Variants in ZNF808 observed in about 807,000 individuals in gnomAD.
ZNF808 encodes zinc finger protein 808.
Under a neutral mutation model 8.7 loss-of-function variants are expected in ZNF808, and 5 were observed. The ratio of observed to expected loss-of-function variants is 0.58; its 90% CI spans 0.30 to 1.21. The LOEUF (loss-of-function observed/expected upper bound fraction) is 1.21, where lower values mean the gene tolerates loss of function less well. Among genes scored for constraint, ZNF808 ranks in the 50% most tolerant of loss-of-function variants. The probability of loss-of-function intolerance (pLI) is 0.07; values close to 1 mark genes in which losing one functional copy is unlikely to be tolerated. For synonymous variants in ZNF808, 380 were observed against 366.0 expected (o/e 1.04, Z -0.44); for missense variants, 1,103 against 1,098.4 (o/e 1.00, Z -0.06).
intron 3 of ZNF808, among the ~76,000 whole-genome samples, chr19:52,562,964 TG>T (rs1875331173): frequency 6.6e-6 from 1 of 152,016 alleles, no homozygotes; most frequent in African/African-American, 2.4e-5. Flanking sequence ...TTAGTAGAGA[TG>T]GGGTTTCACC....
At chr19:52,545,392 A>C (rs1451708256) in intron 3 of ZNF808, among the ~76,000 whole-genome samples, 1 of 152,216 alleles carries the variant, frequency 6.6e-6, no homozygotes, top group African/African-American at 2.4e-5. Flanking sequence ...GTTTATGTAG[A>C]AAACACAACA....
rs2059829695 is a variant in ZNF808, at chr19:52,555,631, T to G, written c.*3T>G. ...ATGGTATAGGGAAATTTGATTAATA[T>G]AATGATTGTCACAAAGTCTTCAGTA... On this transcript the variant is annotated 3_prime_UTR_variant, in exon 5 of 5. Coordinates refer to ENST00000359798, the MANE Select transcript of ZNF808 (RefSeq NM_001039886.4). 5 of 1,590,550 alleles carry G rather than the reference T, an allele frequency of 3.1e-6. No individual in the cohort carries two copies. Among genetic ancestry groups the G allele is most frequent in the Non-Finnish European group, 4.3e-6 (5 of 1,169,778 alleles).
chr19:52,530,709 C>T (rs1267682087), intron 1 of ZNF808, among the ~76,000 whole-genome samples: 1 of 151,680 alleles, frequency 6.6e-6, no homozygotes, highest in Non-Finnish European at 1.5e-5. Flanking sequence ...CAAAGTTGGG[C>T]CTGGTGGCTC....
At chr19:52,531,616 C>T (rs1313002769) in intron 1 of ZNF808, among the ~76,000 whole-genome samples, 1 of 152,152 alleles carries the variant, frequency 6.6e-6, no homozygotes, top group Non-Finnish European at 1.5e-5. Context: ...CTCTGAACAT[C>T]GCTTTTGGCC....
intron 2 of ZNF808, among the ~76,000 whole-genome samples, chr19:52,539,323 G>C (rs1259155048): frequency 1.3e-5 from 2 of 150,666 alleles, no homozygotes; most frequent in Admixed American, 1.3e-4. Flanking sequence ...CTCCCAAGCA[G>C]CTGGGATTAT....
chr19:52,538,114 G>C (rs886432327), intron 2 of ZNF808, among the ~76,000 whole-genome samples: 1 of 150,856 alleles, frequency 6.6e-6, no homozygotes, highest in African/African-American at 2.4e-5. Flanking sequence ...AGGCTCAAGC[G>C]ATCCTCCCTC....
chr19:52,550,505 C>T (rs958110847), intron 4 of ZNF808, among the ~76,000 whole-genome samples: 4 of 151,110 alleles, frequency 2.6e-5, no homozygotes, highest in African/African-American at 9.7e-5. Context: ...GCTGGGATTA[C>T]AGGCATGAAC....
At chr19:52,536,633 T>G (rs2123091830) in intron 2 of ZNF808, among the ~76,000 whole-genome samples, 1 of 152,190 alleles carries the variant, frequency 6.6e-6, no homozygotes, top group South Asian at 2.1e-4. Flanking sequence ...CCTGCCCAGC[T>G]CCACCCTCCG....
exon 4 of ZNF808, chr19:52,564,141 G>A: frequency 3.1e-5 from 22 of 703,636 alleles, no homozygotes; most frequent in Middle Eastern, 3.1e-4. Context: ...AAAATCGTCC[G>A]ATTTCCCAGT....
At chr19:52,531,385 G>T (rs2059560584) in intron 1 of ZNF808, among the ~76,000 whole-genome samples, 1 of 152,126 alleles carries the variant, frequency 6.6e-6, no homozygotes, top group East Asian at 1.9e-4. Context: ...TGAGGCAGGA[G>T]AATTGCTTGA....
At chr19:52,528,919 T>C (rs1341969773) in intron 1 of ZNF808, among the ~76,000 whole-genome samples, 1 of 148,920 alleles carries the variant, frequency 6.7e-6, no homozygotes, top group Non-Finnish European at 1.5e-5. Context: ...GCAGAAGAGA[T>C]GGAAGAGAAG....
chr19:52,547,219 A>G (rs1002985945), intron 3 of ZNF808, among the ~76,000 whole-genome samples: 2 of 152,042 alleles, frequency 1.3e-5, no homozygotes, highest in African/African-American at 4.8e-5. Context: ...AAGTGTTGGG[A>G]TTACAGGCAT....
At chr19:52,565,886 C>T (rs1401186394), downstream of ZNF808, among the ~76,000 whole-genome samples, 1 of 152,132 alleles carries the variant, frequency 6.6e-6, no homozygotes, top group East Asian at 1.9e-4. Context: ...ACATCTTGGG[C>T]ACACGTCATC....
chr19:52,561,210 CTCTATATATA>C (rs1442255933), downstream of ZNF808, among the ~76,000 whole-genome samples: 407 of 29,366 alleles, frequency 0.014, 1 homozygote, highest in East Asian at 0.024. Context: ...CTCTCTCTCT[CTCTATATATA>C]TATATATATA....
rs758791058 is a variant in ZNF808, at chr19:52,553,229, G to A, written c.313G>A (p.Glu105Lys). The A allele has an allele frequency of 5.6e-6, 9 of 1,614,024 alleles. No individual in the cohort carries two copies. The South Asian group carries it at 9.9e-5, about 18-fold the overall frequency. ...TCACATTGGAGACTTTTGCTTCCAGGAAATTGAGAAAGAAATTCATAACAT... is the reference window on the plus strand; with the variant it reads ...TCACATTGGAGACTTTTGCTTCCAGAAAATTGAGAAAGAAATTCATAACAT... ...SYHIGDFCFQ[E>K]IEKEIHNIEF... The change falls in exon 5 of 5, where the codon GAA becomes AAA. Residue 105 changes from glutamate to lysine, a missense_variant. Coordinates refer to ENST00000359798, the MANE Select transcript of ZNF808 (RefSeq NM_001039886.4).
intron 3 of ZNF808, among the ~76,000 whole-genome samples, chr19:52,545,104 T>C (rs2059708641): frequency 6.6e-6 from 1 of 152,240 alleles, no homozygotes; most frequent in African/African-American, 2.4e-5. Context: ...TTTTAATGAC[T>C]GTCAATGCAA....
chr19:52,561,217 T>A, downstream of ZNF808, among the ~76,000 whole-genome samples: 1 of 34,904 alleles, frequency 2.9e-5, no homozygotes, highest in East Asian at 6.3e-4. Context: ...TCTCTCTATA[T>A]ATATATATAT....
At chr19:52,531,052 A>T (rs141185627) in intron 1 of ZNF808, among the ~76,000 whole-genome samples, 607 of 152,302 alleles carry the variant, frequency 4.0e-3, no homozygotes, top group African/African-American at 0.013. Flanking sequence ...AGGAGGCTGA[A>T]GCAGGAGAAT....
chr19:52,560,784 G>A (rs972614902), downstream of ZNF808, among the ~76,000 whole-genome samples: 26 of 152,240 alleles, frequency 1.7e-4, no homozygotes, highest in African/African-American at 5.8e-4. Flanking sequence ...TCCCACAGAT[G>A]TGCATGCACA....
Sources: allele counts gnomAD v4.1 joint callset (sites outside exome capture counted in the v4.1 genomes callset), GRCh38; gene constraint gnomAD v4.1.1; transcripts MANE v1.5; gene names NCBI Gene and HGNC (gene_info 2026-07-23, HGNC 2026-07-21).